BCL9: variants seen among roughly 807,000 people sequenced by gnomAD.
BCL9 encodes BCL9 transcription coactivator.
Under a neutral mutation model 88.5 loss-of-function variants are expected in BCL9, and 25 were observed. That is an observed-to-expected ratio of 0.28 (90% CI 0.21 to 0.39). The LOEUF is 0.39. BCL9 is among the 10% of genes least tolerant of loss of function. BCL9 has a pLI of 1.00. For missense variants in BCL9, 1,817 were observed against 1,877.8 expected (o/e 0.97, Z 0.60); for synonymous variants, 711 against 673.3 (o/e 1.06, Z -0.87).
At chr1:147,593,181 G>A (rs1553200127) in intron 1 of BCL9, among the ~76,000 whole-genome samples, 1 of 152,190 alleles carries the variant, frequency 6.6e-6, no homozygotes, top group Admixed American at 6.5e-5. Flanking sequence ...CTGCATGCCT[G>A]AATCCTGACC....
chr1:147,549,761 T>C (rs1654800900), intron 1 of BCL9, among the ~76,000 whole-genome samples: 1 of 152,216 alleles, frequency 6.6e-6, no homozygotes, highest in Admixed American at 6.5e-5. Flanking sequence ...GGAAACCTTT[T>C]AGGTGCTGAG....
chr1:147,625,525 C>T lies in BCL9; in HGVS notation c.*566C>T, dbSNP rs782707116. 3.1e-5 allele frequency: 6 copies of T among 194,490 alleles called. No homozygotes were observed. The highest frequency in any genetic ancestry group is 2.0e-4 in the South Asian group (1 of 4,966). The allele number at this position is 194,490 out of a possible 1,614,324, so 12.0% of individuals were successfully genotyped here. ...TGCAGTGTATAGAAAAACCAAACTA[C>T]GACCTCAGAGCAGAGTATTAATGAA... On this transcript the variant is annotated 3_prime_UTR_variant, in exon 10 of 10. Coordinates refer to ENST00000234739, the MANE Select transcript of BCL9 (RefSeq NM_004326.4).
chr1:147,549,058 C>T (rs782243521), intron 1 of BCL9, among the ~76,000 whole-genome samples: 59 of 140,968 alleles, frequency 4.2e-4, no homozygotes, highest in Non-Finnish European at 7.9e-4. Flanking sequence ...CTCACTGCAA[C>T]CTCTGTCTCC....
intron 1 of BCL9, among the ~76,000 whole-genome samples, chr1:147,584,380 C>G (rs1370390729): frequency 2.9e-5 from 4 of 138,128 alleles, no homozygotes; most frequent in African/African-American, 1.4e-4. Flanking sequence ...TTTCATCCCT[C>G]TGTAACTTTT....
At chr1:147,565,587 G>C (rs1342872773) in intron 1 of BCL9, among the ~76,000 whole-genome samples, 1 of 152,172 alleles carries the variant, frequency 6.6e-6, no homozygotes, top group Non-Finnish European at 1.5e-5. Flanking sequence ...CTAGAAGGCT[G>C]GCTGCTTTGG....
chr1:147,564,791 T>C (rs587769096), intron 1 of BCL9, among the ~76,000 whole-genome samples: 1 of 152,344 alleles, frequency 6.6e-6, no homozygotes, highest in South Asian at 2.1e-4. Flanking sequence ...ATTCTTCTGT[T>C]GAAACAGTTC....
intron 1 of BCL9, among the ~76,000 whole-genome samples, chr1:147,599,941 T>C (rs1309548683): frequency 6.6e-6 from 1 of 150,800 alleles, no homozygotes; most frequent in Admixed American, 6.6e-5. Context: ...GGGCGGGCCC[T>C]TGCTGGTCGC....
At chr1:147,618,342 T>G (rs1658398625) in intron 7 of BCL9, among the ~76,000 whole-genome samples, 2 of 152,204 alleles carry the variant, frequency 1.3e-5, no homozygotes, top group South Asian at 4.1e-4. Flanking sequence ...TGACTTACGC[T>G]TTCTCTCTCA....
intron 1 of BCL9, among the ~76,000 whole-genome samples, chr1:147,593,541 A>C (rs1292394891): frequency 2.0e-5 from 3 of 152,190 alleles, no homozygotes; most frequent in Non-Finnish European, 4.4e-5. Context: ...AGTGATTATA[A>C]GTGTTTGCTT....
intron 8 of BCL9, among the ~76,000 whole-genome samples, chr1:147,621,738 G>A (rs1658660306): frequency 6.6e-6 from 1 of 152,158 alleles, no homozygotes; most frequent in Admixed American, 6.5e-5. Context: ...AGCCTAAAGT[G>A]CCTCTCTGTA....
intron 9 of BCL9, among the ~76,000 whole-genome samples, chr1:147,622,957 C>T (rs1404491594): frequency 2.3e-5 from 2 of 88,156 alleles, no homozygotes; most frequent in Non-Finnish European, 4.3e-5. Flanking sequence ...GCCCCTGTTT[C>T]CTAGACAAGC....
chr1:147,556,235 C>T (rs184704850), intron 1 of BCL9, among the ~76,000 whole-genome samples: 83 of 151,686 alleles, frequency 5.5e-4, no homozygotes, highest in Non-Finnish European at 1.1e-3. Flanking sequence ...TCTCCTGCCT[C>T]GGCCTCCTGA....
rs587756974 is a variant in BCL9, at chr1:147,612,902, G to C, written c.73G>C (p.Glu25Gln). The C allele has an allele frequency of 6.2e-7, 1 of 1,613,922 alleles. No individual in the cohort carries two copies. The highest frequency in any genetic ancestry group is 1.3e-5 in the African/African-American group (1 of 75,000). Reference protein sequence around the residue: ...NTQSSPKSKQEVMVRPPTVMS... With the variant: ...NTQSSPKSKQQVMVRPPTVMS... ...TTTTAGTAGCCCTAAGTCAAAGCAG[G>C]AGGTGATGGTCCGTCCCCCTACAGT... The change falls in exon 5 of 10, where the codon GAG becomes CAG. Residue 25 changes from glutamate (E) to glutamine (Q), a missense_variant. Glu to Gln is a conservative substitution (Grantham distance 29). Coordinates refer to ENST00000234739, the MANE Select transcript of BCL9 (RefSeq NM_004326.4).
Position 147,624,930 on chromosome 1 carries a change from C to T in BCL9, c.4252C>T (p.Pro1418Ser). ...GGGCATGGGTGGATTTAGCCAAGGA[C>T]CTGGCAACCCAGGAAACATGATGTT... ...DVGMGGFSQGPGNPGNMMF is the reference protein window; with the variant it reads ...DVGMGGFSQGSGNPGNMMF Residue 1418 changes from proline (P) to serine (S), a missense_variant, in exon 10 of 10, where the codon CCT (proline) becomes TCT (serine). Coordinates refer to ENST00000234739, the MANE Select transcript of BCL9 (RefSeq NM_004326.4). This position sits in a 1 kb window ranked among gnomAD's most constrained non-coding sequence, Gnocchi z 4.4. 1.2e-6 allele frequency: 2 copies of T among 1,610,444 alleles called. No homozygotes were observed.
intron 1 of BCL9, among the ~76,000 whole-genome samples, chr1:147,575,807 G>C (rs782030972): frequency 2.6e-5 from 4 of 152,126 alleles, no homozygotes; most frequent in African/African-American, 9.7e-5. Flanking sequence ...ATAAGCCCAA[G>C]AGAATTAGAG....
intron 1 of BCL9, among the ~76,000 whole-genome samples, chr1:147,592,333 C>T (rs1302002378): frequency 6.6e-6 from 1 of 152,154 alleles, no homozygotes; most frequent in African/African-American, 2.4e-5. Flanking sequence ...TTTGCAATCC[C>T]AGAGGACTTG....
At chr1:147,599,813 A>C (rs1456131303) in intron 1 of BCL9, among the ~76,000 whole-genome samples, 10 of 125,104 alleles carry the variant, frequency 8.0e-5, no homozygotes, top group Non-Finnish European at 1.5e-4. Flanking sequence ...CCTGGTGGGC[A>C]GGGCCCTGCG....
intron 1 of BCL9, among the ~76,000 whole-genome samples, chr1:147,600,992 G>C (rs1175887478): frequency 6.6e-6 from 1 of 152,126 alleles, no homozygotes; most frequent in Non-Finnish European, 1.5e-5. Context: ...CTGGTGAAAT[G>C]GAGATATCCT....
In BCL9 at chr1:147,545,672, C is replaced by T. The variant is rs147313116; in HGVS notation, c.-478+3998C>T. 1.2e-4 allele frequency among the ~76,000 whole-genome samples: 19 copies of T among 152,280 alleles called. No homozygotes were observed. In the East Asian group the frequency reaches 3.7e-3, roughly 29 times the overall value. ...GGACATTCCCAAAACTCACTAGTTA[C>T]AAATACGGCTTTTGCATATAGCTTT... On this transcript the variant is annotated intron_variant, in intron 1 of 9. Coordinates refer to ENST00000234739, the MANE Select transcript of BCL9 (RefSeq NM_004326.4).
Sources: allele counts gnomAD v4.1 joint callset (sites outside exome capture counted in the v4.1 genomes callset), GRCh38; gene constraint gnomAD v4.1.1; non-coding constraint Gnocchi (gnomAD v3.1); transcripts MANE v1.5; gene names NCBI Gene and HGNC (gene_info 2026-07-23, HGNC 2026-07-21).